Variants in SLC28A1 observed in about 807,000 individuals in gnomAD.
SLC28A1 encodes the protein solute carrier family 28 member 1.
SLC28A1 carries 64 observed loss-of-function variants against 74.8 expected under a neutral mutation model. The ratio of observed to expected loss-of-function variants is 0.86; its 90% CI spans 0.70 to 1.05. SLC28A1 has a LOEUF of 1.05. SLC28A1 is among the 50% of genes least tolerant of loss of function. The pLI, the probability that SLC28A1 is intolerant of heterozygous loss-of-function variation, is 0.00. For synonymous variants in SLC28A1, 359 were observed against 335.0 expected, an observed-to-expected ratio of 1.07 and a Z score of -0.78; for missense variants, 828 against 822.8, an observed-to-expected ratio of 1.01 and a Z score of -0.08.
rs1371373743 is a variant in SLC28A1, at chr15:84,897,219, AG to A, written c.461+2097del. On this transcript the variant is annotated intron_variant, in intron 6 of 18. Transcript: ENST00000394573. Reference sequence around the variant, plus strand: ...GTGAAACCCTGTCTCTACTAAAAATAGCAAAAAAAAAAAAAAAATGGCTGAG... The same window carrying A: ...GTGAAACCCTGTCTCTACTAAAAATACAAAAAAAAAAAAAAAATGGCTGAG... 5.2e-4 allele frequency among the ~76,000 whole-genome samples: 42 copies of A among 81,522 alleles called. 1 individual carries two copies. Among genetic ancestry groups the A allele is most frequent in the African/African-American group, 1.0e-3 (33 of 32,154 alleles). The allele number at this position is 81,522 out of a possible 152,430, so 53.5% of individuals were successfully genotyped here. A position where few individuals can be genotyped will look rare whatever the true frequency, so the allele number is the denominator to read the frequency against.
chr15:84,946,476 G>A (rs1055669425), downstream of SLC28A1, among the ~76,000 whole-genome samples: 2 of 151,918 alleles, frequency 1.3e-5, no homozygotes, highest in South Asian at 2.1e-4. Context: ...CACTAGTTGA[G>A]GAATCGGAGT....
rs1968519467 is a variant in SLC28A1, at chr15:84,912,813, CACACACACA to C, written c.795+4019_795+4027del. On this transcript the variant is annotated intron_variant, in intron 9 of 18. Coordinates refer to ENST00000394573, the MANE Select transcript of SLC28A1 (RefSeq NM_004213.5). ...GCCAAATTTTGCGCGCGCGCACACA[CACACACACA>C]CACACACACACACACACACACACAC... is the stretch of plus-strand genomic sequence containing the variant. Among the ~76,000 whole-genome samples, 6 of 92,316 alleles carry C rather than the reference CACACACACA, an allele frequency of 6.5e-5. No individual in the cohort carries two copies. In the South Asian group the frequency reaches 3.7e-3, roughly 57 times the overall value. 60.6% of individuals were successfully genotyped at this position (92,316 alleles called of 152,430 possible).
rs8187742 is a variant in SLC28A1 at position 84,888,762 on chromosome 15, C to A, written c.97-10C>A. 3.9e-6 allele frequency: 6 copies of A among 1,549,368 alleles called. No individual in the cohort carries two copies. In the African/African-American group the frequency reaches 4.1e-5, roughly 11 times the overall value. On this transcript the variant is annotated splice_polypyrimidine_tract_variant and intron_variant, in intron 3 of 18. Coordinates refer to ENST00000394573, the MANE Select transcript of SLC28A1 (RefSeq NM_004213.5). The stretch of plus-strand genomic sequence containing the variant: ...GGCAGGCCGACCTGACGGCTCCCTG[C>A]GGGCTGTAGGAGGAAGGCCAGCTCC...
intron 15 of SLC28A1, among the ~76,000 whole-genome samples, chr15:84,938,754 A>G (rs1387435227): frequency 3.5e-5 from 4 of 113,994 alleles, no homozygotes; most frequent in Non-Finnish European, 1.8e-5. Context: ...AAACAACAAG[A>G]AAAAAAAAAA....
At chr15:84,954,590 G>A in the SLC28A1 span, among the ~76,000 whole-genome samples, 1 of 152,150 alleles carries the variant, frequency 6.6e-6, no homozygotes, top group East Asian at 1.9e-4. Flanking sequence ...CAACTGAGAC[G>A]TGGAGAAGTG....
At chr15:84,960,249 T>TGAGACAAGGTCTTGC in the SLC28A1 span, among the ~76,000 whole-genome samples, 1 of 26,444 alleles carries the variant, frequency 3.8e-5, no homozygotes, top group Non-Finnish European at 1.7e-4. Context: ...TTTTTTTTTT[T>TGAGACAAGGTCTTGC]TTTTTTTTTT....
chr15:84,939,580 CCCTTTATG>C (rs1972400126), intron 15 of SLC28A1: 1 of 152,012 alleles, frequency 6.6e-6, no homozygotes, highest in African/African-American at 2.4e-5. Context: ...TCTGTTATTG[CCCTTTATG>C]TTGTATAAGG....
chr15:84,939,630 G>A lies in SLC28A1; in HGVS notation c.1582-3815G>A, dbSNP rs533502596. On this transcript the variant is annotated intron_variant, in intron 15 of 18. Transcript: ENST00000394573. ...ATTTTTTGGTTTTTAAATGTAGAAC[G>A]CTTCATGAATTTGTGCGTCATCCTC... is the stretch of plus-strand genomic sequence containing the variant. 3.9e-5 allele frequency: 6 copies of A among 151,972 alleles called. No homozygotes were observed. In the East Asian group the frequency reaches 9.7e-4, roughly 24 times the overall value. 9.4% of individuals were successfully genotyped at this position (151,972 alleles called of 1,614,324 possible).
At chr15:84,974,826 C>G in the SLC28A1 span, among the ~76,000 whole-genome samples, 1 of 152,180 alleles carries the variant, frequency 6.6e-6, no homozygotes, top group South Asian at 2.1e-4. Context: ...CTTGGAAAAA[C>G]CAAGACTCGG....
intron 6 of SLC28A1, among the ~76,000 whole-genome samples, chr15:84,900,050 C>T (rs1966491208): frequency 6.6e-6 from 1 of 152,018 alleles, no homozygotes; most frequent in Admixed American, 6.6e-5. Context: ...GGTGTGGTAG[C>T]TCGTGTCTAT....
chr15:84,895,263 A>G, intron 6 of SLC28A1, 140 bp downstream of exon 6: 9 of 1,573,298 alleles, frequency 5.7e-6, no homozygotes, highest in Non-Finnish European at 7.9e-6. Flanking sequence ...GGCAGGAGCC[A>G]GTGGGTGGCT....
At chr15:84,968,491 T>C in the SLC28A1 span, among the ~76,000 whole-genome samples, 2 of 152,248 alleles carry the variant, frequency 1.3e-5, no homozygotes, top group African/African-American at 4.8e-5. Flanking sequence ...ACATGGCAGC[T>C]GGCTTCCTCC....
At chr15:84,903,210 G>C (rs1366356307) in intron 6 of SLC28A1, among the ~76,000 whole-genome samples, 1 of 152,196 alleles carries the variant, frequency 6.6e-6, no homozygotes, top group Non-Finnish European at 1.5e-5. Context: ...TCAGCTCTTC[G>C]ATCTCCTGCT....
chr15:84,913,783 C>T (rs1319723243), intron 9 of SLC28A1, among the ~76,000 whole-genome samples: 1 of 152,116 alleles, frequency 6.6e-6, no homozygotes, highest in African/African-American at 2.4e-5. Context: ...TGGGTGGTTA[C>T]AAGCAACAGA....
chr15:84,900,962 G>A (rs1031237872), intron 6 of SLC28A1, among the ~76,000 whole-genome samples: 10 of 152,098 alleles, frequency 6.6e-5, no homozygotes, highest in African/African-American at 1.7e-4. Flanking sequence ...GGTGGCTCAC[G>A]CCTGTAATCC....
chr15:84,946,083 T>TGTGTATATATATA (rs1321419859), downstream of SLC28A1, among the ~76,000 whole-genome samples: 1 of 36,224 alleles, frequency 2.8e-5, no homozygotes, highest in Non-Finnish European at 4.8e-5. Flanking sequence ...TGTGTGTATG[T>TGTGTATATATATA]TCATATATAT....
intron 15 of SLC28A1, among the ~76,000 whole-genome samples, chr15:84,942,473 G>C (rs777453020): frequency 2.6e-5 from 4 of 152,194 alleles, no homozygotes; most frequent in Non-Finnish European, 4.4e-5. Flanking sequence ...AAATAGGACA[G>C]TTGTTAAGAA....
chr15:84,933,214 G>T lies in SLC28A1; in HGVS notation c.1153G>T (p.Val385Phe), dbSNP rs754694662. The T allele has an allele frequency of 1.7e-5, 27 of 1,612,542 alleles. No individual in the cohort carries two copies. In the South Asian group the frequency reaches 1.8e-4, roughly 10 times the overall value. ...APCALALSKL[V>F]YPEVEESKFR... ...TTGTGCCTTGGCCCTCTCCAAGCTGGTCTACCCGGAGGTGGAGGAGTCCAA... is the reference window on the plus strand; with the variant it reads ...TTGTGCCTTGGCCCTCTCCAAGCTGTTCTACCCGGAGGTGGAGGAGTCCAA... Residue 385 changes from valine to phenylalanine, a missense_variant, in exon 13 of 19, where the codon GTC (valine) becomes TTC (phenylalanine). Val to Phe is a conservative substitution (Grantham distance 50). Around this residue, in one of 3 missense-constraint regions of SLC28A1, gnomAD observed 767 missense variants for 753.5 expected, o/e 1.02. Coordinates refer to ENST00000394573, the MANE Select transcript of SLC28A1 (RefSeq NM_004213.5).
chr15:84,899,153 C>T (rs757914699), intron 6 of SLC28A1, among the ~76,000 whole-genome samples: 5 of 151,584 alleles, frequency 3.3e-5, no homozygotes, highest in South Asian at 2.1e-4. Context: ...CATTGTTTAG[C>T]GTACTAAGAA....
Sources: allele counts gnomAD v4.1 joint callset (sites outside exome capture counted in the v4.1 genomes callset), GRCh38; gene constraint gnomAD v4.1.1; regional missense constraint gnomAD v4.1.1; transcripts MANE v1.5; gene names NCBI Gene and HGNC (gene_info 2026-07-23, HGNC 2026-07-21).